VPS13A: variants seen among roughly 807,000 people sequenced by gnomAD.
The protein encoded by VPS13A is intermembrane lipid transfer protein VPS13A.
A neutral mutation model predicts 390.9 loss-of-function variants in VPS13A; 264 were observed. The observed-to-expected ratio is 0.68, with a 90% CI of 0.61 to 0.75. The LOEUF (loss-of-function observed/expected upper bound fraction) is 0.75. Among genes scored for constraint, VPS13A ranks in the 30% least tolerant of loss-of-function variants. The pLI, the probability that VPS13A is intolerant of heterozygous loss-of-function variation, is 0.00. For synonymous variants in VPS13A, 1,231 were observed against 1,227.1 expected, an observed-to-expected ratio of 1.00 and a Z score of -0.07; for missense variants, 3,409 against 3,733.9, an observed-to-expected ratio of 0.91 and a Z score of 2.27.
chr9:77,322,873 G>T (rs1357720959), intron 44 of VPS13A, among the ~76,000 whole-genome samples, 194 bp from the exon 45 acceptor site: 1 of 151,778 alleles, frequency 6.6e-6, no homozygotes. Context: ...CTCCTGAATG[G>T]GAGTTTTTTA....
chr9:77,221,632 C>G (rs1823218396), intron 13 of VPS13A, among the ~76,000 whole-genome samples: 1 of 152,128 alleles, frequency 6.6e-6, no homozygotes, highest in Admixed American at 6.6e-5. Context: ...CCTCAAAAGT[C>G]TAAATAGTGT....
At chr9:77,267,660 G>A (rs944824373) in intron 23 of VPS13A, among the ~76,000 whole-genome samples, 3 of 152,232 alleles carry the variant, frequency 2.0e-5, no homozygotes, top group Non-Finnish European at 4.4e-5. Context: ...CCCCACTTGA[G>A]AAGGCAGTCT....
intron 7 of VPS13A, chr9:77,211,467 T>G (rs926367830): frequency 6.6e-6 from 1 of 152,172 alleles, no homozygotes; most frequent in Non-Finnish European, 1.5e-5. Context: ...TGTATTTCAT[T>G]GCATGATTTT....
intron 52 of VPS13A, among the ~76,000 whole-genome samples, chr9:77,349,388 G>A (rs1297589494): frequency 6.6e-6 from 1 of 151,968 alleles, no homozygotes; most frequent in Non-Finnish European, 1.5e-5. Context: ...TTGGTATACA[G>A]ATTGTTTCAT....
Position 77,376,797 on chromosome 9 carries a change from C to T in VPS13A, c.9078-5179C>T, listed in dbSNP as rs569528012. 5.9e-5 allele frequency among the ~76,000 whole-genome samples: 9 copies of T among 152,130 alleles called. No individual in the cohort carries two copies. The South Asian group carries it at 1.5e-3, about 25-fold the overall frequency. ...TGAGCCTATAATAAGGTATTTGAAA[C>T]CATGAGATTGGATGAGATCACCAAG... On this transcript the variant is annotated intron_variant, in intron 67 of 71. Transcript: ENST00000360280.
rs1215331739 is a variant in VPS13A, at chr9:77,357,764, C to G, written c.7879C>G (p.Leu2627Val). The G allele has an allele frequency of 6.2e-7, 1 of 1,613,624 alleles. No homozygotes were observed. Among genetic ancestry groups the G allele is most frequent in the Non-Finnish European group, 8.5e-7 (1 of 1,179,832 alleles). Residue 2627 changes from leucine to valine, a missense_variant, in exon 56 of 72, where the codon CTT (leucine) becomes GTT (valine). This residue lies in a region of VPS13A where 221 missense variants were observed against 300.7 expected (regional missense o/e 0.73). Coordinates refer to ENST00000360280, the MANE Select transcript of VPS13A (RefSeq NM_033305.3). ...TGTAATAGCTCTACGAAGAAATTAT[C>G]TTCCAGCATTAAAAGTGGAATATAA... ...PHVIALRRNY[L>V]PALKVEYNTS... is the part of the protein sequence containing the mutation.
chr9:77,188,806 A>T (rs775164478), intron 1 of VPS13A, among the ~76,000 whole-genome samples: 4 of 152,040 alleles, frequency 2.6e-5, no homozygotes, highest in Admixed American at 6.6e-5. Flanking sequence ...TGACTTTTTA[A>T]TAATAGCCAT....
chr9:77,411,566 G>T (rs796632463), intron 71 of VPS13A, among the ~76,000 whole-genome samples: 7 of 149,094 alleles, frequency 4.7e-5, no homozygotes, highest in African/African-American at 1.7e-4. Flanking sequence ...GGGAGGCTGA[G>T]GCAGGAGAAT....
Position 77,297,487 on chromosome 9 carries a change from AT to A in VPS13A, c.3812+1650del, listed in dbSNP as rs539572623. Reference sequence around the variant, plus strand: ...CTGGGACAATCGTAGGGCTCACCTCATTTTTTTTTCCAACTCTTTGGAATCA... The same window carrying A: ...CTGGGACAATCGTAGGGCTCACCTCATTTTTTTTCCAACTCTTTGGAATCA... On this transcript the variant is annotated intron_variant, in intron 33 of 71. Transcript: ENST00000360280. Among the ~76,000 whole-genome samples the A allele has an allele frequency of 5.5e-3, 823 of 149,670 alleles. 8 individuals carry two copies. The highest frequency in any genetic ancestry group is 0.02 in the African/African-American group (796 of 40,686).
intron 52 of VPS13A, among the ~76,000 whole-genome samples, chr9:77,350,216 C>G (rs1378533659): frequency 6.6e-6 from 1 of 152,110 alleles, no homozygotes; most frequent in Non-Finnish European, 1.5e-5. Context: ...CAAATTCTTA[C>G]TTTCTTGTGA....
In VPS13A at chr9:77,302,667, C is replaced by T. The variant is rs144464702; in HGVS notation, c.3813-248C>T. ...GGGATTACAGGTGTAAGCTACTGTG[C>T]GTAGCTCTATTTCTGTATAATATAG... On this transcript the variant is annotated intron_variant, in intron 33 of 71. Transcript: ENST00000360280. Among the ~76,000 whole-genome samples the T allele has an allele frequency of 2.8e-4, 43 of 152,154 alleles. 1 individual carries two copies. The highest frequency in any genetic ancestry group is 3.4e-3 in the Middle Eastern group (1 of 292).
At chr9:77,194,936 A>G (rs1394708376) in intron 1 of VPS13A, among the ~76,000 whole-genome samples, 1 of 151,990 alleles carries the variant, frequency 6.6e-6, no homozygotes, top group Admixed American at 6.6e-5. Flanking sequence ...TTCACTGTAT[A>G]TAGTGTCATG....
At chr9:77,231,997 G>T (rs912275007) in intron 17 of VPS13A, among the ~76,000 whole-genome samples, 1 of 152,134 alleles carries the variant, frequency 6.6e-6, no homozygotes, top group Non-Finnish European at 1.5e-5. Context: ...CACACTTGTT[G>T]AAGACACTAT....
intron 34 of VPS13A, among the ~76,000 whole-genome samples, chr9:77,306,545 A>C (rs970160160): frequency 2.0e-5 from 3 of 151,958 alleles, no homozygotes; most frequent in Non-Finnish European, 4.4e-5. Context: ...GTAGGCCAGC[A>C]GGAAGGATAT....
chr9:77,237,135 G>A (rs917063344), intron 17 of VPS13A, among the ~76,000 whole-genome samples: 3 of 152,044 alleles, frequency 2.0e-5, no homozygotes, highest in African/African-American at 7.2e-5. Flanking sequence ...TGATCCGCCT[G>A]CCTCAGCCTC....
intron 31 of VPS13A, among the ~76,000 whole-genome samples, chr9:77,292,529 G>A (rs965062303): frequency 5.3e-5 from 8 of 152,130 alleles, no homozygotes; most frequent in African/African-American, 1.9e-4. Flanking sequence ...ACCCTAGGCA[G>A]AAGCAGGACT....
chr9:77,330,327 A>G (rs1360241940), intron 45 of VPS13A, among the ~76,000 whole-genome samples: 1 of 152,192 alleles, frequency 6.6e-6, no homozygotes, highest in African/African-American at 2.4e-5. Context: ...CCACTTTTAT[A>G]CAGACGGATG....
intron 13 of VPS13A, 138 bp from the exon 14 acceptor site, chr9:77,225,788 A>T (rs111400970): frequency 1.5e-6 from 1 of 649,266 alleles, no homozygotes; most frequent in East Asian, 2.7e-5. Context: ...TAACATATGT[A>T]TTATATTGAT....
At chr9:77,196,016 G>A (rs1330782443) in intron 1 of VPS13A, among the ~76,000 whole-genome samples, 1 of 151,498 alleles carries the variant, frequency 6.6e-6, no homozygotes, top group East Asian at 1.9e-4. Context: ...TTTTCATCTC[G>A]ATATTTTCTA....
Sources: allele counts gnomAD v4.1 joint callset (sites outside exome capture counted in the v4.1 genomes callset), GRCh38; gene constraint gnomAD v4.1.1; regional missense constraint gnomAD v4.1.1; transcripts MANE v1.5; gene names NCBI Gene and HGNC (gene_info 2026-07-23, HGNC 2026-07-21).